Variants in FAM117B observed in about 807,000 individuals in gnomAD.
FAM117B encodes family with sequence similarity 117 member B, also known as protein FAM117B.
A neutral mutation model predicts 52.8 loss-of-function variants in FAM117B; 22 were observed. The observed-to-expected ratio is 0.42, with a 90% CI of 0.30 to 0.59. FAM117B has a LOEUF of 0.59. FAM117B is among the 20% of genes least tolerant of loss of function. The pLI, the probability that FAM117B is intolerant of heterozygous loss-of-function variation, is 0.22. For synonymous variants in FAM117B, 309 were observed against 324.1 expected, an observed-to-expected ratio of 0.95 and a Z score of 0.50; for missense variants, 678 against 802.6, an observed-to-expected ratio of 0.84 and a Z score of 1.88.
chr2:202,726,195 GT>G, intron 3 of FAM117B, 54 bp from the exon 4 acceptor site: 1 of 1,217,380 alleles, frequency 8.2e-7, no homozygotes, highest in Non-Finnish European at 1.2e-6. Context: ...GCAAGGATGT[GT>G]TTTTGTTTCA....
chr2:202,685,847 G>A (rs557097899), intron 1 of FAM117B, among the ~76,000 whole-genome samples: 36 of 152,254 alleles, frequency 2.4e-4, no homozygotes, highest in African/African-American at 6.5e-4. Flanking sequence ...AAACATAGGA[G>A]CAAATCATCT....
chr2:202,696,163 G>A (rs773214057), intron 2 of FAM117B, 131 bp downstream of exon 2: 4 of 1,031,884 alleles, frequency 3.9e-6, no homozygotes, highest in Non-Finnish European at 5.2e-6. Context: ...TTACCAAAAA[G>A]AGCAGATTCC....
chr2:202,737,847 C>T (rs1002719884), intron 4 of FAM117B, among the ~76,000 whole-genome samples: 1 of 152,148 alleles, frequency 6.6e-6, no homozygotes, highest in African/African-American at 2.4e-5. Flanking sequence ...GGTGATCTGA[C>T]CACCTCGACC....
chr2:202,694,639 CTTTG>C (rs1690683397), intron 1 of FAM117B, among the ~76,000 whole-genome samples: 1 of 152,068 alleles, frequency 6.6e-6, no homozygotes, highest in South Asian at 2.1e-4. Flanking sequence ...CAAATACCCA[CTTTG>C]TTTGCTCAGA....
intron 4 of FAM117B, among the ~76,000 whole-genome samples, chr2:202,740,359 CAAAAA>C (rs769846441): frequency 1.5e-5 from 1 of 65,578 alleles, no homozygotes; most frequent in Non-Finnish European, 3.2e-5. Context: ...GACTCTGCCT[CAAAAA>C]AAAAAAAAAA....
intron 4 of FAM117B, among the ~76,000 whole-genome samples, chr2:202,739,545 T>G (rs931057254): frequency 6.9e-6 from 1 of 145,454 alleles, no homozygotes; most frequent in African/African-American, 2.5e-5. Flanking sequence ...AGCCTCAACC[T>G]CCTGGGCTCA....
chr2:202,699,719 C>T (rs1473320748), intron 2 of FAM117B, among the ~76,000 whole-genome samples: 7 of 152,122 alleles, frequency 4.6e-5, no homozygotes, highest in Non-Finnish European at 1.0e-4. Context: ...ACAAGGTTTG[C>T]TGGTTTGACC....
Position 202,669,031 on chromosome 2 carries a change from A to G in FAM117B, c.602-26850A>G, listed in dbSNP as rs192666472. Among the ~76,000 whole-genome samples, 82 of 152,334 alleles carry G rather than the reference A, an allele frequency of 5.4e-4. 1 individual carries two copies. Among genetic ancestry groups the G allele is most frequent in the Non-Finnish European group, 9.8e-4 (67 of 68,022 alleles). ...AAAGAACACCAAAATAAGGAATAATATATGCCAAAAGTTCCTCCCTTCTTG... is the reference window on the plus strand; with the variant it reads ...AAAGAACACCAAAATAAGGAATAATGTATGCCAAAAGTTCCTCCCTTCTTG... On this transcript the variant is annotated intron_variant, in intron 1 of 7. Transcript: ENST00000392238.
chr2:202,753,304 C>T (rs1691753172), intron 4 of FAM117B, among the ~76,000 whole-genome samples: 1 of 152,188 alleles, frequency 6.6e-6, no homozygotes, highest in African/African-American at 2.4e-5. Flanking sequence ...GCTAGGAAAA[C>T]TGGCTAGCCA....
chr2:202,704,773 G>C (rs1690848609), intron 2 of FAM117B, among the ~76,000 whole-genome samples: 1 of 151,530 alleles, frequency 6.6e-6, no homozygotes, highest in South Asian at 2.1e-4. Flanking sequence ...TATATATATA[G>C]TATTTTTAGT....
intron 1 of FAM117B, among the ~76,000 whole-genome samples, chr2:202,668,728 A>G (rs1265661472): frequency 2.0e-5 from 3 of 152,006 alleles, no homozygotes; most frequent in African/African-American, 4.8e-5. Context: ...GTATCAGCAA[A>G]GAAAAAGGAA....
chr2:202,670,424 G>A (rs555507359), intron 1 of FAM117B, among the ~76,000 whole-genome samples: 1 of 151,954 alleles, frequency 6.6e-6, no homozygotes, highest in South Asian at 2.1e-4. Flanking sequence ...TGAGTAGGTG[G>A]GATTACAGGC....
chr2:202,762,410 A>T (rs983356530), intron 7 of FAM117B, among the ~76,000 whole-genome samples: 2 of 152,172 alleles, frequency 1.3e-5, no homozygotes, highest in African/African-American at 4.8e-5. Flanking sequence ...ATCTGCACTT[A>T]GTAAGTCCTT....
chr2:202,757,237 C>T lies in FAM117B; in HGVS notation c.1129C>T (p.Arg377Cys). 1 of 1,614,048 alleles carries T rather than the reference C, an allele frequency of 6.2e-7. No individual in the cohort carries two copies. The highest frequency in any genetic ancestry group is 1.7e-5 in the Admixed American group (1 of 60,000). ...LIPQDIPDGH[R>C]APPPLVQRSS... ...GCCGCAAGATATTCCAGATGGCCAT[C>T]GTGCTCCACCCCCCCTTGTACAGAG... is the stretch of plus-strand genomic sequence containing the variant. The change falls in exon 6 of 8, where the codon CGT becomes TGT. Residue 377 changes from arginine to cysteine, a missense_variant. Physicochemically the swap from Arg to Cys is radical, Grantham distance 180. Transcript: ENST00000392238.
At chr2:202,653,455 C>G (rs1689986004) in intron 1 of FAM117B, among the ~76,000 whole-genome samples, 1 of 152,236 alleles carries the variant, frequency 6.6e-6, no homozygotes, top group Admixed American at 6.5e-5. Context: ...CCTCCTGCCT[C>G]AGCCTCCAGA....
Position 202,765,854 on chromosome 2 carries a change from G to A in FAM117B, c.*90G>A. The A allele has an allele frequency of 7.5e-7, 1 of 1,333,102 alleles. No individual in the cohort carries two copies. The highest frequency in any genetic ancestry group is 2.4e-5 in the East Asian group (1 of 41,628). The allele number at this position is 1,333,102 out of a possible 1,614,324, so 82.6% of individuals were successfully genotyped here. On this transcript the variant is annotated 3_prime_UTR_variant, in exon 8 of 8. Transcript: ENST00000392238. Reference sequence around the variant, plus strand: ...TGGCATCGTGCGCTTCTGGTCGGCTGTGATGTGCTCCAGCTTTCCAGTGAC... The same window carrying A: ...TGGCATCGTGCGCTTCTGGTCGGCTATGATGTGCTCCAGCTTTCCAGTGAC...
chr2:202,649,115 G>C (rs1470288227), intron 1 of FAM117B, among the ~76,000 whole-genome samples: 4 of 152,160 alleles, frequency 2.6e-5, no homozygotes, highest in South Asian at 2.1e-4. Flanking sequence ...TGTGTTGTCA[G>C]ATATATTTTG....
intron 1 of FAM117B, among the ~76,000 whole-genome samples, chr2:202,638,026 G>A (rs889280391): frequency 6.6e-6 from 1 of 152,038 alleles, no homozygotes; most frequent in Admixed American, 6.6e-5. Context: ...ACAGGCATGC[G>A]CTACCACGCC....
chr2:202,662,134 G>GTGTGTA, intron 1 of FAM117B, among the ~76,000 whole-genome samples: 1 of 151,700 alleles, frequency 6.6e-6, no homozygotes, highest in East Asian at 1.9e-4. Flanking sequence ...GTGTGTGTGT[G>GTGTGTA]TGTGTATGTG....
Sources: allele counts gnomAD v4.1 joint callset (sites outside exome capture counted in the v4.1 genomes callset), GRCh38; gene constraint gnomAD v4.1.1; transcripts MANE v1.5; gene names NCBI Gene and HGNC (gene_info 2026-07-23, HGNC 2026-07-21).